Variants in OXTR observed in about 807,000 individuals in gnomAD.
OXTR encodes the protein oxytocin receptor.
In OXTR, 19 loss-of-function variants were observed where a neutral mutation model predicts 23.9. That is an observed-to-expected ratio of 0.80 (90% CI 0.56 to 1.17). The LOEUF is 1.17. Among genes scored for constraint, OXTR ranks in the 50% most tolerant of loss-of-function variants. The pLI, the probability that OXTR is intolerant of heterozygous loss-of-function variation, is 0.00. For synonymous variants in OXTR, 278 were observed against 250.5 expected (o/e 1.11, Z -1.04); for missense variants, 500 against 550.7 (o/e 0.91, Z 0.92).
Position 8,768,341 on chromosome 3 carries a change from C to T in OXTR, c.-142-12G>A. 1 of 1,163,960 alleles carries T rather than the reference C, an allele frequency of 8.6e-7. No homozygotes were observed. The highest frequency in any genetic ancestry group is 1.1e-6 in the Non-Finnish European group (1 of 933,796). 72.1% of individuals were successfully genotyped at this position (1,163,960 alleles called of 1,614,324 possible). On this transcript the variant is annotated splice_polypyrimidine_tract_variant and intron_variant, in intron 2 of 3. Coordinates refer to ENST00000316793, the MANE Select transcript of OXTR (RefSeq NM_000916.4). The surrounding 1 kb of genome is among the most constrained non-coding windows in gnomAD (Gnocchi z 5.4). ...CTGCTGGGTCCACCCTGAAACAAAC[C>T]GGGAGGGCCGTGAGGAGACCGCCGC...
chr3:8,761,474 G>T (rs1211603157), intron 3 of OXTR, among the ~76,000 whole-genome samples: 5 of 152,044 alleles, frequency 3.3e-5, no homozygotes, highest in Admixed American at 3.3e-4. Flanking sequence ...CGAAGGTGTA[G>T]ATCATCGGGA....
rs1708245796 is a variant in OXTR at position 8,750,999 on chromosome 3, C to A, written c.*1978G>T. ...GGTGCACCATTTACATTCCCACCAA[C>A]AATTTAAATTTCTACCAGTTTCTCT... On this transcript the variant is annotated 3_prime_UTR_variant, in exon 4 of 4. Coordinates refer to ENST00000316793, the MANE Select transcript of OXTR (RefSeq NM_000916.4). 6.6e-6 allele frequency: 1 copy of A among 152,198 alleles called. No homozygotes were observed. Among genetic ancestry groups the A allele is most frequent in the Non-Finnish European group, 1.5e-5 (1 of 68,032 alleles). The allele number at this position is 152,198 out of a possible 1,614,324, so 9.4% of individuals were successfully genotyped here.
intron 3 of OXTR, among the ~76,000 whole-genome samples, chr3:8,763,179 C>T (rs1009822355): frequency 2.0e-5 from 3 of 152,160 alleles, no homozygotes; most frequent in East Asian, 1.9e-4. Context: ...CCAGCCTCCC[C>T]GGACACATCA....
At position 8,767,795 on chromosome 3, in the gene OXTR, C is replaced by A; in HGVS notation, c.393G>T (p.Leu131=). The stretch of plus-strand genomic sequence containing the variant: ...CCAGGCAGCGGTCCAGGGACATGAG[C>A]AGCAGCAGGTAGGTGGAGGCGAACA... The part of the protein sequence containing the change: ...VGMFASTYLL[L]LMSLDRCLAI... Residue 131 remains leucine, a synonymous_variant, in exon 3 of 4, where the codon CTG becomes CTT. Coordinates refer to ENST00000316793, the MANE Select transcript of OXTR (RefSeq NM_000916.4). 1 of 1,608,622 alleles carries A rather than the reference C, an allele frequency of 6.2e-7. No individual in the cohort carries two copies. The highest frequency in any genetic ancestry group is 8.5e-7 in the Non-Finnish European group (1 of 1,177,646).
rs533560280 is a variant in OXTR, at chr3:8,767,557, C to G, written c.631G>C (p.Val211Leu). The stretch of plus-strand genomic sequence containing the variant: ...CAGGCAGCGAGCACGATGACCGGCA[C>G]GATGTAGACAGCTAGCGTGATCCAT... ...ITWITLAVYI[V>L]PVIVLAACYG... The change falls in exon 3 of 4, where the codon GTG becomes CTG. Residue 211 changes from valine (V) to leucine (L), a missense_variant. Coordinates refer to ENST00000316793, the MANE Select transcript of OXTR (RefSeq NM_000916.4). 1.2e-6 allele frequency: 2 copies of G among 1,613,348 alleles called. No individual in the cohort carries two copies. Among genetic ancestry groups the G allele is most frequent in the Non-Finnish European group, 1.7e-6 (2 of 1,179,770 alleles).
chr3:8,760,933 C>G (rs1235106204), intron 3 of OXTR, among the ~76,000 whole-genome samples: 1 of 152,188 alleles, frequency 6.6e-6, no homozygotes, highest in African/African-American at 2.4e-5. Context: ...TCTAAGCCAG[C>G]AGTTCTTAAC....
At position 8,753,230 on chromosome 3, in the gene OXTR, G is replaced by C; in HGVS notation, c.923-6C>G. On this transcript the variant is annotated splice_region_variant and splice_polypyrimidine_tract_variant and intron_variant, in intron 3 of 3. Transcript: ENST00000316793. ...GACGATGATGAAGGCCGAGGCTGAG[G>C]GGGTGGGGGCAGGAGAAAGGAGAAA... 6.2e-7 allele frequency: 1 copy of C among 1,614,038 alleles called. No individual in the cohort carries two copies. Among genetic ancestry groups the C allele is most frequent in the Non-Finnish European group, 8.5e-7 (1 of 1,179,954 alleles).
rs1708272411 is a variant in OXTR at position 8,752,060 on chromosome 3, G to A, written c.*917C>T. The A allele has an allele frequency of 6.6e-6, 1 of 152,062 alleles. No homozygotes were observed. The highest frequency in any genetic ancestry group is 1.5e-5 in the Non-Finnish European group (1 of 67,990). 9.4% of individuals were successfully genotyped at this position (152,062 alleles called of 1,614,324 possible). A position where few individuals can be genotyped will look rare whatever the true frequency, so the allele number is the denominator to read the frequency against. On this transcript the variant is annotated 3_prime_UTR_variant, in exon 4 of 4. Coordinates refer to ENST00000316793, the MANE Select transcript of OXTR (RefSeq NM_000916.4). ...TTCCAATTTTGTAGTTTTCAGTCTT[G>A]CACTTGTTTTGTTAAGTTGATTCCT...
chr3:8,745,482 G>A (rs200936371), downstream of OXTR: 94 of 1,146,870 alleles, frequency 8.2e-5, 1 homozygote, highest in Middle Eastern at 1.2e-3. The surrounding 1 kb of genome is among the most constrained non-coding windows in gnomAD (Gnocchi z 4.8). Flanking sequence ...CTTGAGAAGC[G>A]GGTGGCTTCT....
At position 8,752,402 on chromosome 3, in the gene OXTR, C is replaced by G. The variant is rs187907202; in HGVS notation, c.*575G>C. Reference sequence around the variant, plus strand: ...CATTAGCTTCTTAAACATTTTTAACCCAAGTTCTAATAGGTCCACTGCGCC... The same window carrying G: ...CATTAGCTTCTTAAACATTTTTAACGCAAGTTCTAATAGGTCCACTGCGCC... On this transcript the variant is annotated 3_prime_UTR_variant, in exon 4 of 4. Coordinates refer to ENST00000316793, the MANE Select transcript of OXTR (RefSeq NM_000916.4). 1.0e-4 allele frequency: 16 copies of G among 152,706 alleles called. No homozygotes were observed. The highest frequency in any genetic ancestry group is 7.8e-4 in the Admixed American group (12 of 15,302). The allele number at this position is 152,706 out of a possible 1,614,324, so 9.5% of individuals were successfully genotyped here.
chr3:8,749,896 G>A (rs1708223799), downstream of OXTR, among the ~76,000 whole-genome samples: 1 of 152,192 alleles, frequency 6.6e-6, no homozygotes, highest in Non-Finnish European at 1.5e-5. Flanking sequence ...GTTATAAAGA[G>A]ACAGAGTGGA....
chr3:8,748,900 C>A (rs1212382582), downstream of OXTR, among the ~76,000 whole-genome samples: 3 of 152,042 alleles, frequency 2.0e-5, no homozygotes, highest in Non-Finnish European at 4.4e-5. Context: ...TTTTTTCCAG[C>A]GCTTAAAGAA....
In OXTR at chr3:8,768,351, G is replaced by T; in HGVS notation, c.-142-22C>A. On this transcript the variant is annotated intron_variant, in intron 2 of 3. Transcript: ENST00000316793. The surrounding 1 kb of genome is among the most constrained non-coding windows in gnomAD (Gnocchi z 5.4). ...CACCCTGAAACAAACCGGGAGGGCC[G>T]TGAGGAGACCGCCGCGTTTCTCTTC... The T allele has an allele frequency of 9.0e-7, 1 of 1,114,760 alleles. No homozygotes were observed. The highest frequency in any genetic ancestry group is 1.1e-6 in the Non-Finnish European group (1 of 889,014). 69.1% of individuals were successfully genotyped at this position (1,114,760 alleles called of 1,614,324 possible).
chr3:8,745,593 G>A (rs1060502315), downstream of OXTR: 3 of 1,614,070 alleles, frequency 1.9e-6, no homozygotes, highest in Non-Finnish European at 2.5e-6. The surrounding 1 kb of genome is among the most constrained non-coding windows in gnomAD (Gnocchi z 4.8). Flanking sequence ...TGGAAGGTGA[G>A]CTACACCACC....
At chr3:8,757,004 TG>T (rs1708388502) in intron 3 of OXTR, among the ~76,000 whole-genome samples, 2 of 152,072 alleles carry the variant, frequency 1.3e-5, no homozygotes, top group Non-Finnish European at 1.5e-5. Context: ...CTGTTCACAG[TG>T]GGCGCCCCCT....
intron 3 of OXTR, among the ~76,000 whole-genome samples, chr3:8,764,833 C>T (rs1359597630): frequency 6.6e-6 from 1 of 152,170 alleles, no homozygotes; most frequent in East Asian, 1.9e-4. Flanking sequence ...CATCATGAAT[C>T]CCTGCCGGTC....
the OXTR span, among the ~76,000 whole-genome samples, chr3:8,744,247 G>A: frequency 6.6e-6 from 1 of 150,848 alleles, no homozygotes; most frequent in Non-Finnish European, 1.5e-5. Flanking sequence ...AGCTAATTTG[G>A]TTCACTGCTG....
downstream of OXTR, chr3:8,745,831 C>G: frequency 6.2e-7 from 1 of 1,613,596 alleles, no homozygotes; most frequent in Non-Finnish European, 8.5e-7. The surrounding 1 kb of genome is among the most constrained non-coding windows in gnomAD (Gnocchi z 4.8). Context: ...GCCAGGTCTG[C>G]AGCAGCATCA....
the OXTR span, chr3:8,744,886 C>T: frequency 0.071 from 10,887 of 153,274 alleles, 846 homozygotes; most frequent in African/African-American, 0.19. Context: ...TGTTGGTCAG[C>T]GGTGCCTAGG....
Sources: gnomAD v4.1 joint callset for allele counts (sites outside exome capture counted in the v4.1 genomes callset) on GRCh38, gnomAD v4.1.1 for gene constraint, Gnocchi (gnomAD v3.1) non-coding constraint, MANE v1.5 for transcripts, NCBI Gene and HGNC (gene_info 2026-07-23, HGNC 2026-07-21) for gene names.